PHYHIPL: variants seen among roughly 807,000 people sequenced by gnomAD.
The protein encoded by PHYHIPL is phytanoyl-CoA 2-hydroxylase interacting protein like.
A neutral mutation model predicts 33.4 loss-of-function variants in PHYHIPL; 9 were observed. The ratio of observed to expected loss-of-function variants is 0.27; its 90% confidence interval spans 0.16 to 0.47. The LOEUF (loss-of-function observed/expected upper bound fraction) is 0.47, where lower values mean the gene tolerates loss of function less well. PHYHIPL is among the 20% of genes least tolerant of loss of function. The probability of loss-of-function intolerance (pLI) is 0.99; values close to 1 mark genes in which losing one functional copy is unlikely to be tolerated. For synonymous variants in PHYHIPL, 153 were observed against 154.1 expected, an observed-to-expected ratio of 0.99 and a Z score of 0.05; for missense variants, 365 against 460.7, an observed-to-expected ratio of 0.79 and a Z score of 1.90.
At position 59,188,128 on chromosome 10, in the gene PHYHIPL, A is replaced by C. The variant is rs377282260; in HGVS notation, c.106+11169A>C. 3.1e-4 allele frequency among the ~76,000 whole-genome samples: 47 copies of C among 152,098 alleles called. No individual in the cohort carries two copies. The East Asian group carries it at 5.6e-3, about 18-fold the overall frequency. On this transcript the variant is annotated intron_variant, in intron 1 of 4. Coordinates refer to ENST00000373880, the MANE Select transcript of PHYHIPL (RefSeq NM_032439.4). The stretch of plus-strand genomic sequence containing the variant: ...AGTGCTATAAATTTCCCTCTACACA[A>C]TGCTTTGAATGTGTCCCAGAGATTC...
chr10:59,242,922 G>T (rs1163697622), intron 4 of PHYHIPL, among the ~76,000 whole-genome samples: 1 of 152,114 alleles, frequency 6.6e-6, no homozygotes, highest in African/African-American at 2.4e-5. Context: ...GACTATAGCA[G>T]ATCTAATATT....
intron 1 of PHYHIPL, among the ~76,000 whole-genome samples, chr10:59,231,875 G>A (rs571361281): frequency 2.6e-5 from 4 of 152,030 alleles, no homozygotes; most frequent in South Asian, 2.1e-4. Context: ...CACTTCGATC[G>A]TATGCAGTAA....
chr10:59,230,212 CTTTTTTTTT>C (rs71006238), intron 1 of PHYHIPL, among the ~76,000 whole-genome samples: 3 of 123,378 alleles, frequency 2.4e-5, no homozygotes, highest in Admixed American at 9.1e-5. Context: ...AAATTGCTTT[CTTTTTTTTT>C]TTTTTTTTTT....
intron 1 of PHYHIPL, chr10:59,206,860 C>G: frequency 9.6e-7 from 1 of 1,044,778 alleles, no homozygotes; most frequent in Admixed American, 4.7e-5. Flanking sequence ...TGCACTTCAT[C>G]TCCTGCACTA....
intron 1 of PHYHIPL, among the ~76,000 whole-genome samples, chr10:59,182,835 T>C (rs1305732238): frequency 6.6e-6 from 1 of 152,094 alleles, no homozygotes; most frequent in Non-Finnish European, 1.5e-5. Context: ...ATGATTGAAA[T>C]TTCAGGCAAC....
intron 1 of PHYHIPL, among the ~76,000 whole-genome samples, chr10:59,186,450 C>A (rs540635964): frequency 5.9e-5 from 9 of 152,240 alleles, no homozygotes; most frequent in African/African-American, 2.2e-4. Context: ...GCAATGTGGG[C>A]TCTTTTTTGG....
chr10:59,177,511 G>A, intron 1 of PHYHIPL: 1 of 1,551,404 alleles, frequency 6.4e-7, no homozygotes, highest in Non-Finnish European at 8.7e-7. Flanking sequence ...GAAAAACAGT[G>A]CATTTCAGCA....
chr10:59,211,308 T>A (rs1839431545), intron 1 of PHYHIPL, among the ~76,000 whole-genome samples: 1 of 152,160 alleles, frequency 6.6e-6, no homozygotes, highest in East Asian at 1.9e-4. Context: ...GCCCAGGACT[T>A]TGAGGCAATA....
Position 59,188,810 on chromosome 10 carries a change from A to G in PHYHIPL, c.106+11851A>G, listed in dbSNP as rs184320570. 3.0e-3 allele frequency among the ~76,000 whole-genome samples: 449 copies of G among 151,446 alleles called. 1 individual carries two copies. The highest frequency in any genetic ancestry group is 4.9e-3 in the Non-Finnish European group (334 of 67,830). On this transcript the variant is annotated intron_variant, in intron 1 of 4. Coordinates refer to ENST00000373880, the MANE Select transcript of PHYHIPL (RefSeq NM_032439.4). Reference sequence around the variant, plus strand: ...CAACCCCTGCCTTTTTTTGTTTTCCATTTGCTTGGTAGATCTTCCTCCATC... The same window carrying G: ...CAACCCCTGCCTTTTTTTGTTTTCCGTTTGCTTGGTAGATCTTCCTCCATC...
At chr10:59,234,691 T>A (rs767089756) in intron 2 of PHYHIPL, among the ~76,000 whole-genome samples, 191 bp downstream of exon 2, 10 of 151,894 alleles carry the variant, frequency 6.6e-5, no homozygotes, top group Non-Finnish European at 1.2e-4. Flanking sequence ...AATGCCATGC[T>A]TTTTGTTAGA....
At chr10:59,193,772 G>A (rs1297563793) in intron 1 of PHYHIPL, among the ~76,000 whole-genome samples, 1 of 152,006 alleles carries the variant, frequency 6.6e-6, no homozygotes, top group Non-Finnish European at 1.5e-5. Flanking sequence ...TTCTTCTGGT[G>A]TAATTCAGTA....
chr10:59,179,362 A>G (rs748375032), intron 1 of PHYHIPL, among the ~76,000 whole-genome samples: 1 of 152,196 alleles, frequency 6.6e-6, no homozygotes, highest in Non-Finnish European at 1.5e-5. Context: ...GTGGCAGAAT[A>G]TGGGACAGAA....
intron 1 of PHYHIPL, among the ~76,000 whole-genome samples, chr10:59,211,500 C>T (rs1410211473): frequency 1.3e-5 from 2 of 151,696 alleles, no homozygotes; most frequent in Non-Finnish European, 2.9e-5. Flanking sequence ...CCTCAGCCTC[C>T]CGAGTAGCTA....
chr10:59,236,654 G>A lies in PHYHIPL; in HGVS notation c.475G>A (p.Ala159Thr), dbSNP rs530007000. Reference sequence around the variant, plus strand: ...GAGTGAAATTATAGAATTCTGCACCGCAGGTAAGAGAACTAGGTACAAATA... The same window carrying A: ...GAGTGAAATTATAGAATTCTGCACCACAGGTAAGAGAACTAGGTACAAATA... ...EWSEIIEFCT[A>T]DYSKVHLTQL... The change falls in exon 3 of 5, where the codon GCA becomes ACA. Residue 159 changes from alanine (A) to threonine (T), a missense_variant. Ala to Thr is a moderately conservative substitution (Grantham distance 58). Coordinates refer to ENST00000373880, the MANE Select transcript of PHYHIPL (RefSeq NM_032439.4). 5.0e-6 allele frequency: 8 copies of A among 1,594,786 alleles called. No homozygotes were observed. The highest frequency in any genetic ancestry group is 1.7e-5 in the Admixed American group (1 of 57,562).
chr10:59,189,518 G>C (rs938563379), intron 1 of PHYHIPL, among the ~76,000 whole-genome samples: 1 of 151,714 alleles, frequency 6.6e-6, no homozygotes, highest in African/African-American at 2.4e-5. Flanking sequence ...AGTCTACTTT[G>C]TTTTCTTTTG....
chr10:59,184,698 G>A (rs1363694208), intron 1 of PHYHIPL, among the ~76,000 whole-genome samples: 2 of 151,594 alleles, frequency 1.3e-5, no homozygotes, highest in Admixed American at 6.6e-5. Flanking sequence ...TGCACAACGT[G>A]CAGGTTTGTT....
chr10:59,236,467 C>A lies in PHYHIPL; in HGVS notation c.304-16C>A. 1 of 1,495,174 alleles carries A rather than the reference C, an allele frequency of 6.7e-7. No homozygotes were observed. Among genetic ancestry groups the A allele is most frequent in the South Asian group, 1.3e-5 (1 of 74,858 alleles). 92.6% of individuals were successfully genotyped at this position (1,495,174 alleles called of 1,614,324 possible). ...TCCCCTCATTTTTCTCTCTCTCTTC[C>A]TTCTTTCATTCCTAGGATGTTCCCA... is the stretch of plus-strand genomic sequence containing the variant. On this transcript the variant is annotated splice_polypyrimidine_tract_variant and intron_variant, in intron 2 of 4. Transcript: ENST00000373880.
At position 59,245,213 on chromosome 10, in the gene PHYHIPL, G is replaced by T. The variant is rs1449010179; in HGVS notation, c.753G>T (p.Arg251Ser). 6.2e-7 allele frequency: 1 copy of T among 1,614,136 alleles called. No individual in the cohort carries two copies. Among genetic ancestry groups the T allele is most frequent in the Admixed American group, 1.7e-5 (1 of 60,016 alleles). The change falls in exon 5 of 5, where the codon AGG (arginine) becomes AGT (serine). Residue 251 changes from arginine (R) to serine (S), a missense_variant. Physicochemically the swap from Arg to Ser is moderately radical, Grantham distance 110. Around this residue, in one of 4 missense-constraint regions of PHYHIPL, gnomAD observed 196 missense variants for 224.9 expected, o/e 0.87. Coordinates refer to ENST00000373880, the MANE Select transcript of PHYHIPL (RefSeq NM_032439.4). ...PPQDSPYGRY[R>S]FEIAAEKLFN... is the part of the protein sequence containing the mutation. Reference sequence around the variant, plus strand: ...AGGATTCACCTTATGGAAGATACAGGTTTGAGATTGCCGCAGAAAAACTTT... The same window carrying T: ...AGGATTCACCTTATGGAAGATACAGTTTTGAGATTGCCGCAGAAAAACTTT...
chr10:59,187,661 C>T (rs1838651313), intron 1 of PHYHIPL, among the ~76,000 whole-genome samples: 1 of 152,106 alleles, frequency 6.6e-6, no homozygotes, highest in African/African-American at 2.4e-5. Context: ...TTGGTCTATT[C>T]AGAGATTCAA....
Sources: allele counts gnomAD v4.1 joint callset (sites outside exome capture counted in the v4.1 genomes callset), GRCh38; gene constraint gnomAD v4.1.1; regional missense constraint gnomAD v4.1.1; transcripts MANE v1.5; gene names NCBI Gene and HGNC (gene_info 2026-07-23, HGNC 2026-07-21).